Variants in RBFOX1 observed in about 807,000 individuals in gnomAD.
The protein encoded by RBFOX1 is RNA binding protein fox-1 homolog 1.
In RBFOX1, 8 loss-of-function variants were observed where a neutral mutation model predicts 57.7. The ratio of observed to expected loss-of-function variants is 0.14; its 90% CI spans 0.08 to 0.25. The LOEUF is 0.25. RBFOX1 is among the 10% of genes least tolerant of loss of function. The probability of loss-of-function intolerance (pLI) is 1.00; values close to 1 mark genes in which losing one functional copy is unlikely to be tolerated. For missense variants in RBFOX1, 611 were observed against 548.5 expected (o/e 1.11, Z -1.14); for synonymous variants, 326 against 222.4 (o/e 1.47, Z -4.15).
At chr16:5,896,777 C>T (rs1440286562) in intron 4 of RBFOX1, among the ~76,000 whole-genome samples, 3 of 152,104 alleles carry the variant, frequency 2.0e-5, no homozygotes, top group Non-Finnish European at 4.4e-5. Flanking sequence ...GCTGTATCAG[C>T]CAACACTTTA....
chr16:6,418,204 C>G (rs976505914), intron 2 of RBFOX1, among the ~76,000 whole-genome samples: 5 of 152,170 alleles, frequency 3.3e-5, no homozygotes, highest in Admixed American at 6.5e-5. Context: ...CGAAGGGTAG[C>G]TGAGGCTTGG....
chr16:7,066,954 A>G (rs2056201225), intron 4 of RBFOX1, among the ~76,000 whole-genome samples: 1 of 152,174 alleles, frequency 6.6e-6, no homozygotes, highest in African/African-American at 2.4e-5. Context: ...AAACTGTAGA[A>G]TTTTTCATTC....
chr16:6,807,280 C>T (rs1372773705), intron 3 of RBFOX1, among the ~76,000 whole-genome samples: 1 of 151,992 alleles, frequency 6.6e-6, no homozygotes, highest in Non-Finnish European at 1.5e-5. Context: ...ATGATGGGAA[C>T]TAAACAGCAG....
chr16:6,706,966 C>T (rs903057345), intron 3 of RBFOX1, among the ~76,000 whole-genome samples: 4 of 152,038 alleles, frequency 2.6e-5, no homozygotes, highest in South Asian at 2.1e-4. Flanking sequence ...AAATTACAAA[C>T]GTGTGGTATT....
intron 3 of RBFOX1, among the ~76,000 whole-genome samples, chr16:5,609,162 C>T (rs949819972): frequency 3.3e-5 from 5 of 152,262 alleles, no homozygotes; most frequent in East Asian, 1.9e-4. Flanking sequence ...TGCTGTGTAT[C>T]GAAATGGGCC....
At chr16:6,839,282 G>A (rs1020965872) in intron 3 of RBFOX1, among the ~76,000 whole-genome samples, 2 of 152,118 alleles carry the variant, frequency 1.3e-5, no homozygotes, top group South Asian at 4.2e-4. Context: ...ACTGTGCCCG[G>A]CACATCATTT....
intron 2 of RBFOX1, among the ~76,000 whole-genome samples, chr16:6,375,781 A>G (rs555538250): frequency 5.3e-5 from 8 of 152,264 alleles, no homozygotes; most frequent in African/African-American, 1.2e-4. Context: ...GAACCTCAGC[A>G]CAAAGGGTAT....
intron 1 of RBFOX1, among the ~76,000 whole-genome samples, chr16:6,178,395 G>C (rs1432721803): frequency 6.6e-6 from 1 of 151,944 alleles, no homozygotes; most frequent in African/African-American, 2.4e-5. Context: ...ATGTTGACCA[G>C]GCTGGACTCA....
At chr16:5,331,813 G>A (rs1230322575) in intron 1 of RBFOX1, among the ~76,000 whole-genome samples, 2 of 152,224 alleles carry the variant, frequency 1.3e-5, no homozygotes, top group Non-Finnish European at 2.9e-5. Flanking sequence ...CCTGGTGGGA[G>A]GGGCTTTTGA....
chr16:6,019,834 G>C lies in RBFOX1; in HGVS notation c.-285G>C. On this transcript the variant is annotated 5_prime_UTR_variant, in exon 1 of 16. Transcript: ENST00000550418. The surrounding 1 kb of genome is among the most constrained non-coding windows in gnomAD (Gnocchi z 4.2). The stretch of plus-strand genomic sequence containing the variant: ...CAGGCAGGCGCGCCAGGGCGGGGCT[G>C]ACCTGCCCGCGAAGTTGCGGACAGT... The C allele has an allele frequency of 6.6e-7, 1 of 1,523,560 alleles. No individual in the cohort carries two copies. The highest frequency in any genetic ancestry group is 8.8e-7 in the Non-Finnish European group (1 of 1,139,714). The allele number at this position is 1,523,560 out of a possible 1,614,324, so 94.4% of individuals were successfully genotyped here.
chr16:5,824,704 C>T (rs1201472462), intron 3 of RBFOX1, among the ~76,000 whole-genome samples: 1 of 152,224 alleles, frequency 6.6e-6, no homozygotes, highest in East Asian at 1.9e-4. Context: ...GCATCTGAGG[C>T]CTCTCTCTTC....
chr16:6,737,741 T>C (rs757256557), intron 3 of RBFOX1, among the ~76,000 whole-genome samples: 10 of 152,178 alleles, frequency 6.6e-5, no homozygotes, highest in Non-Finnish European at 2.9e-5. Flanking sequence ...AAATGATATA[T>C]GGGATTTAAA....
intron 4 of RBFOX1, among the ~76,000 whole-genome samples, chr16:7,289,652 T>A (rs2095723050): frequency 6.6e-6 from 1 of 152,156 alleles, no homozygotes; most frequent in South Asian, 2.1e-4. Context: ...ATCATCAGCA[T>A]CACCACCCCC....
chr16:5,613,066 T>G (rs2047881605), intron 3 of RBFOX1, among the ~76,000 whole-genome samples: 1 of 152,130 alleles, frequency 6.6e-6, no homozygotes, highest in African/African-American at 2.4e-5. Flanking sequence ...GGGAGGGCCC[T>G]GATGGGTTTT....
chr16:6,719,863 C>T lies in RBFOX1; in HGVS notation c.-16+65213C>T, dbSNP rs192307366. Among the ~76,000 whole-genome samples, 481 of 152,020 alleles carry T rather than the reference C, an allele frequency of 3.2e-3. 3 individuals are homozygous for T. The highest frequency in any genetic ancestry group is 0.011 in the South Asian group (54 of 4,808). ...ATCTCAGCACTTTGGGAAGCCTGGG[C>T]GGGCGGATCACCTGAGGTCAGGAGT... On this transcript the variant is annotated intron_variant, in intron 3 of 15. Transcript: ENST00000550418.
At chr16:5,857,595 C>T (rs1270935384) in intron 3 of RBFOX1, among the ~76,000 whole-genome samples, 2 of 152,134 alleles carry the variant, frequency 1.3e-5, no homozygotes, top group African/African-American at 4.8e-5. Flanking sequence ...GCCAAATCTC[C>T]CCAGTACACT....
At chr16:6,125,817 C>G (rs1481490950) in intron 1 of RBFOX1, among the ~76,000 whole-genome samples, 1 of 152,142 alleles carries the variant, frequency 6.6e-6, no homozygotes, top group African/African-American at 2.4e-5. Context: ...GGCTATTTTC[C>G]TCCCATTGTA....
At chr16:6,861,472 C>A in intron 3 of RBFOX1, among the ~76,000 whole-genome samples, 1 of 140,990 alleles carries the variant, frequency 7.1e-6, no homozygotes, top group South Asian at 2.3e-4. Flanking sequence ...AGGAATGATT[C>A]CCCTCCCAAC....
intron 11 of RBFOX1, among the ~76,000 whole-genome samples, chr16:7,636,202 A>G (rs549827633): frequency 6.6e-6 from 1 of 152,336 alleles, no homozygotes; most frequent in East Asian, 1.9e-4. Flanking sequence ...TACACTTAAC[A>G]TTGCCAAACA....
Sources: allele counts gnomAD v4.1 joint callset (sites outside exome capture counted in the v4.1 genomes callset), GRCh38; gene constraint gnomAD v4.1.1; non-coding constraint Gnocchi (gnomAD v3.1); transcripts MANE v1.5; gene names NCBI Gene and HGNC (gene_info 2026-07-23, HGNC 2026-07-21).